The following MYO1E variants were observed in gnomAD, a reference collection of about 807,000 sequenced individuals.
The protein encoded by MYO1E is myosin IE.
Under a neutral mutation model 151.1 loss-of-function variants are expected in MYO1E, and 68 were observed. That is an observed-to-expected ratio of 0.45 (90% CI 0.37 to 0.55). The LOEUF (loss-of-function observed/expected upper bound fraction) is 0.55. Ranked by LOEUF, MYO1E falls within the 20% of genes least tolerant of loss-of-function variation. The pLI, the probability that MYO1E is intolerant of heterozygous loss-of-function variation, is 0.00. For synonymous variants in MYO1E, 601 were observed against 501.7 expected, an observed-to-expected ratio of 1.20 and a Z score of -2.64; for missense variants, 1,363 against 1,389.3, an observed-to-expected ratio of 0.98 and a Z score of 0.30.
chr15:59,177,069 G>A (rs1487400446), intron 19 of MYO1E, among the ~76,000 whole-genome samples: 1 of 152,182 alleles, frequency 6.6e-6, no homozygotes, highest in Non-Finnish European at 1.5e-5. Flanking sequence ...AAGTAACAGC[G>A]GGTATGAAAC....
At chr15:59,349,167 T>C (rs1173241128) in intron 1 of MYO1E, among the ~76,000 whole-genome samples, 1 of 152,170 alleles carries the variant, frequency 6.6e-6, no homozygotes, top group African/African-American at 2.4e-5. Flanking sequence ...AAGGGGATCA[T>C]TTGAAACCTT....
chr15:59,174,012 C>T, intron 20 of MYO1E, 97 bp from the exon 21 acceptor site: 2 of 1,514,054 alleles, frequency 1.3e-6, no homozygotes, highest in South Asian at 1.1e-5. Context: ...CTAAATGATG[C>T]AATATTTTTA....
At chr15:59,321,064 C>A (rs1385420260) in intron 1 of MYO1E, among the ~76,000 whole-genome samples, 1 of 152,148 alleles carries the variant, frequency 6.6e-6, no homozygotes, top group Non-Finnish European at 1.5e-5. Context: ...GACGTACAAA[C>A]TGTTAAAAAA....
chr15:59,324,457 C>T (rs1161004413), intron 1 of MYO1E, among the ~76,000 whole-genome samples: 17 of 152,234 alleles, frequency 1.1e-4, no homozygotes, highest in African/African-American at 3.9e-4. Flanking sequence ...AGAAAAAAAT[C>T]AGGCTGTCTT....
chr15:59,362,928 A>AT (rs1224150623), intron 1 of MYO1E, among the ~76,000 whole-genome samples: 1 of 140,708 alleles, frequency 7.1e-6, no homozygotes, highest in Non-Finnish European at 1.6e-5. Context: ...CCTATTTTCT[A>AT]TTTTTTTTAA....
At chr15:59,292,639 C>T (rs2080426420) in intron 1 of MYO1E, among the ~76,000 whole-genome samples, 2 of 152,212 alleles carry the variant, frequency 1.3e-5, no homozygotes, top group Admixed American at 1.3e-4. Context: ...AAGGGCTATG[C>T]TTTCCAGAGC....
intron 16 of MYO1E, among the ~76,000 whole-genome samples, chr15:59,197,136 G>A (rs1433095529): frequency 2.0e-5 from 3 of 151,872 alleles, no homozygotes; most frequent in Admixed American, 2.0e-4. Flanking sequence ...GGGACTACAG[G>A]CGTATGCCAC....
chr15:59,325,166 G>C (rs1352277580), intron 1 of MYO1E, among the ~76,000 whole-genome samples: 1 of 152,052 alleles, frequency 6.6e-6, no homozygotes, highest in Non-Finnish European at 1.5e-5. Context: ...CTTCCGAGGA[G>C]CTGTGACTAC....
chr15:59,164,150 A>G (rs1323836953), intron 22 of MYO1E, among the ~76,000 whole-genome samples: 1 of 152,172 alleles, frequency 6.6e-6, no homozygotes, highest in East Asian at 1.9e-4. Flanking sequence ...TTCCATCTTC[A>G]AGCCTGGCTA....
At chr15:59,150,685 CA>C (rs1308608828) in intron 26 of MYO1E, among the ~76,000 whole-genome samples, 3 of 152,154 alleles carry the variant, frequency 2.0e-5, no homozygotes, top group Non-Finnish European at 4.4e-5. Context: ...AGCACCCTTG[CA>C]ATTCACCTTC....
chr15:59,366,059 A>G (rs1357617169), intron 1 of MYO1E, among the ~76,000 whole-genome samples: 1 of 151,966 alleles, frequency 6.6e-6, no homozygotes, highest in East Asian at 1.9e-4. Flanking sequence ...GCTCACTGCA[A>G]CCTCCGCCTC....
At chr15:59,236,466 T>G (rs1465658973) in intron 5 of MYO1E, 119 bp downstream of exon 5, 7 of 774,506 alleles carry the variant, frequency 9.0e-6, no homozygotes, top group African/African-American at 8.7e-5. Flanking sequence ...ATTTCAAGTT[T>G]CACAGTTATA....
intron 1 of MYO1E, among the ~76,000 whole-genome samples, chr15:59,317,774 G>C (rs1418557055): frequency 1.3e-5 from 2 of 152,212 alleles, no homozygotes; most frequent in African/African-American, 4.8e-5. Flanking sequence ...TGGAAGAAGA[G>C]ATGGAGAGAA....
chr15:59,167,808 C>A (rs2079570750), intron 22 of MYO1E, among the ~76,000 whole-genome samples: 1 of 152,182 alleles, frequency 6.6e-6, no homozygotes, highest in African/African-American at 2.4e-5. Context: ...TCCTAAGTAG[C>A]TGGGATTACA....
intron 1 of MYO1E, among the ~76,000 whole-genome samples, chr15:59,310,831 C>T (rs2080546774): frequency 6.6e-6 from 1 of 151,658 alleles, no homozygotes; most frequent in African/African-American, 2.4e-5. Flanking sequence ...TATATATACT[C>T]TGTAAGAAGC....
chr15:59,367,977 G>A (rs770428677), intron 1 of MYO1E, among the ~76,000 whole-genome samples: 7 of 151,924 alleles, frequency 4.6e-5, no homozygotes, highest in South Asian at 2.1e-4. Flanking sequence ...AAAATTAGGC[G>A]GGTGTGGTGG....
rs963277744 is a variant in MYO1E, at chr15:59,180,833, C to G, written c.1905-2296G>C. The stretch of plus-strand genomic sequence containing the variant: ...CAATGGTGCCCCTGCCTAACTGGTG[C>G]CTGTGATAATTTTGGACAGATGGCA... On this transcript the variant is annotated intron_variant, in intron 18 of 27. Transcript: ENST00000288235. Among the ~76,000 whole-genome samples the G allele has an allele frequency of 3.3e-5, 5 of 152,206 alleles. 1 individual carries two copies. The highest frequency in any genetic ancestry group is 5.9e-5 in the Non-Finnish European group (4 of 68,042).
At chr15:59,243,620 C>T (rs1317035132) in intron 4 of MYO1E, among the ~76,000 whole-genome samples, 5 of 152,114 alleles carry the variant, frequency 3.3e-5, no homozygotes, top group African/African-American at 1.2e-4. Context: ...GTTGACTAGT[C>T]AATAAAAATC....
At chr15:59,331,636 A>C (rs978422260) in intron 1 of MYO1E, among the ~76,000 whole-genome samples, 2 of 152,224 alleles carry the variant, frequency 1.3e-5, no homozygotes, top group Non-Finnish European at 2.9e-5. Flanking sequence ...CAAAAATACT[A>C]AGATGGAAAG....
Sources: allele counts gnomAD v4.1 joint callset (sites outside exome capture counted in the v4.1 genomes callset), GRCh38; gene constraint gnomAD v4.1.1; transcripts MANE v1.5; gene names NCBI Gene and HGNC (gene_info 2026-07-23, HGNC 2026-07-21).